The following SPATA17 variants were observed in gnomAD, a reference collection of about 807,000 sequenced individuals.
The protein encoded by SPATA17 is spermatogenesis associated 17.
In SPATA17, 53 loss-of-function variants were observed where a neutral mutation model predicts 62.2. That is an observed-to-expected ratio of 0.85 (90% CI 0.68 to 1.07). The LOEUF (loss-of-function observed/expected upper bound fraction) is 1.07, where lower values mean the gene tolerates loss of function less well. SPATA17 is among the 50% of genes least tolerant of loss of function. The pLI, the probability that SPATA17 is intolerant of heterozygous loss-of-function variation, is 0.00. For synonymous variants in SPATA17, 146 were observed against 146.8 expected, an observed-to-expected ratio of 0.99 and a Z score of 0.04; for missense variants, 466 against 425.5, an observed-to-expected ratio of 1.10 and a Z score of -0.84.
At chr1:217,762,759 G>A (rs769263968) in intron 6 of SPATA17, among the ~76,000 whole-genome samples, 42 of 152,198 alleles carry the variant, frequency 2.8e-4, no homozygotes, top group Non-Finnish European at 5.0e-4. Context: ...ATCACCTGAG[G>A]TCAGGAGTTT....
chr1:217,722,935 C>G (rs1317635699), intron 5 of SPATA17, among the ~76,000 whole-genome samples: 1 of 152,128 alleles, frequency 6.6e-6, no homozygotes, highest in Admixed American at 6.5e-5. Context: ...AGTCATTGCG[C>G]ACACTCATGT....
chr1:217,717,653 T>C (rs189312691), intron 5 of SPATA17, among the ~76,000 whole-genome samples: 13 of 152,266 alleles, frequency 8.5e-5, no homozygotes, highest in Non-Finnish European at 1.8e-4. Context: ...TGTAATTTTT[T>C]TTTTTACAAA....
intron 7 of SPATA17, among the ~76,000 whole-genome samples, chr1:217,777,555 C>T (rs1673623676): frequency 6.6e-6 from 1 of 152,112 alleles, no homozygotes; most frequent in Non-Finnish European, 1.5e-5. Flanking sequence ...GCACCTGCCA[C>T]CATGCCCTGC....
At chr1:217,806,094 C>T (rs187226880) in intron 9 of SPATA17, among the ~76,000 whole-genome samples, 10 of 152,190 alleles carry the variant, frequency 6.6e-5, no homozygotes, top group African/African-American at 2.4e-4. Context: ...ATTTCTATGC[C>T]AAAAGGGAAA....
Position 217,851,015 on chromosome 1 carries a change from CTT to C in SPATA17, c.1006-11758_1006-11757del, listed in dbSNP as rs1675653293. On this transcript the variant is annotated intron_variant, in intron 9 of 10. Coordinates refer to ENST00000366933, the MANE Select transcript of SPATA17 (RefSeq NM_138796.4). ...GAGGAAGTAGCATTTTTACTTGAGACTTAATGTTTGGGTAGGATTTGCACCTA... is the reference window on the plus strand; with the variant it reads ...GAGGAAGTAGCATTTTTACTTGAGACAATGTTTGGGTAGGATTTGCACCTA... 2.6e-5 allele frequency among the ~76,000 whole-genome samples: 4 copies of C among 152,214 alleles called. No homozygotes were observed. The South Asian group carries it at 8.3e-4, about 32-fold the overall frequency.
intron 6 of SPATA17, among the ~76,000 whole-genome samples, chr1:217,745,014 T>C (rs893252110): frequency 1.3e-5 from 2 of 152,230 alleles, no homozygotes; most frequent in South Asian, 2.1e-4. Flanking sequence ...CCATTAATCT[T>C]ACCAATTGGA....
intron 2 of SPATA17, 80 bp downstream of exon 2, chr1:217,649,051 C>T: frequency 2.1e-6 from 2 of 945,152 alleles, no homozygotes; most frequent in East Asian, 2.7e-5. Flanking sequence ...TCATGAAGTA[C>T]TCATTTCAAA....
chr1:217,686,210 T>C (rs1266046335), intron 5 of SPATA17, among the ~76,000 whole-genome samples: 1 of 152,146 alleles, frequency 6.6e-6, no homozygotes, highest in Non-Finnish European at 1.5e-5. Context: ...TGGGGATTAC[T>C]AGTCTTTGGA....
chr1:217,792,664 C>T (rs575173239), intron 8 of SPATA17, among the ~76,000 whole-genome samples: 2 of 152,084 alleles, frequency 1.3e-5, no homozygotes, highest in Non-Finnish European at 2.9e-5. Flanking sequence ...GCTCACATAC[C>T]CCATAGGCTT....
At chr1:217,751,784 G>A (rs1156281348) in intron 6 of SPATA17, among the ~76,000 whole-genome samples, 1 of 152,108 alleles carries the variant, frequency 6.6e-6, no homozygotes, top group Non-Finnish European at 1.5e-5. Context: ...TCCGAAAGAG[G>A]CAAGAATAAA....
rs112741984 is a variant in SPATA17 at position 217,807,982 on chromosome 1, C to A, written c.1005+6132C>A. ...GTATTAACACATGCCATACCTATCA[C>A]ATGGAAGAGGCCTCAGTTCAAAAGT... On this transcript the variant is annotated intron_variant, in intron 9 of 10. Coordinates refer to ENST00000366933, the MANE Select transcript of SPATA17 (RefSeq NM_138796.4). 9.3e-3 allele frequency among the ~76,000 whole-genome samples: 1,417 copies of A among 152,304 alleles called. 19 individuals are homozygous for A. Among genetic ancestry groups the A allele is most frequent in the African/African-American group, 0.032 (1,330 of 41,570 alleles).
intron 9 of SPATA17, among the ~76,000 whole-genome samples, chr1:217,803,086 G>T (rs1431231010): frequency 6.6e-6 from 1 of 152,116 alleles, no homozygotes; most frequent in Non-Finnish European, 1.5e-5. Flanking sequence ...CTAATTTTTT[G>T]TATTTTCAGT....
At chr1:217,863,930 A>G (rs186901998) in intron 10 of SPATA17, among the ~76,000 whole-genome samples, 137 of 152,330 alleles carry the variant, frequency 9.0e-4, no homozygotes, top group African/African-American at 3.2e-3. Flanking sequence ...CTAGGCTGTT[A>G]GAGCACAGGG....
intron 6 of SPATA17, among the ~76,000 whole-genome samples, chr1:217,743,593 T>A (rs1672675522): frequency 1.3e-5 from 2 of 152,168 alleles, no homozygotes; most frequent in East Asian, 3.9e-4. Flanking sequence ...ATTTTTAAAA[T>A]AGTGAAATCA....
chr1:217,651,922 A>G (rs915687662), intron 3 of SPATA17, among the ~76,000 whole-genome samples: 25 of 152,222 alleles, frequency 1.6e-4, no homozygotes, highest in Non-Finnish European at 3.1e-4. Context: ...ACTCAGTCTC[A>G]TCCACTTGTC....
intron 9 of SPATA17, among the ~76,000 whole-genome samples, chr1:217,828,263 A>G (rs1219420432): frequency 6.6e-6 from 1 of 152,030 alleles, no homozygotes; most frequent in Non-Finnish European, 1.5e-5. Flanking sequence ...GAGAACCCAG[A>G]AATAAATTGA....
At chr1:217,655,066 T>C (rs1469811045) in intron 3 of SPATA17, among the ~76,000 whole-genome samples, 1 of 152,168 alleles carries the variant, frequency 6.6e-6, no homozygotes, top group African/African-American at 2.4e-5. Context: ...ACAAAACTAT[T>C]TGCTAATGTA....
At chr1:217,866,855 T>C (rs1373121965) in intron 10 of SPATA17, 167 bp from the exon 11 acceptor site, 2 of 151,354 alleles carry the variant, frequency 1.3e-5, no homozygotes, top group Non-Finnish European at 2.9e-5. Flanking sequence ...TTTTTTTTTT[T>C]CATTTTACTG....
chr1:217,856,214 A>C (rs1675782507), intron 9 of SPATA17, among the ~76,000 whole-genome samples: 1 of 152,200 alleles, frequency 6.6e-6, no homozygotes, highest in East Asian at 1.9e-4. Context: ...CAGTTTTTTA[A>C]AAGTGTATTT....
Sources: allele counts gnomAD v4.1 joint callset (sites outside exome capture counted in the v4.1 genomes callset), GRCh38; gene constraint gnomAD v4.1.1; transcripts MANE v1.5; gene names NCBI Gene and HGNC (gene_info 2026-07-23, HGNC 2026-07-21).